Variants in AGBL4 observed in about 807,000 individuals in gnomAD.
AGBL4 encodes AGBL carboxypeptidase 4, also known as cytosolic carboxypeptidase 6.
In AGBL4, 58 loss-of-function variants were observed where a neutral mutation model predicts 66.4. The ratio of observed to expected loss-of-function variants is 0.87; its 90% confidence interval spans 0.71 to 1.09. AGBL4 has a LOEUF of 1.09. Among genes scored for constraint, AGBL4 ranks in the 50% least tolerant of loss-of-function variants. The pLI, the probability that AGBL4 is intolerant of heterozygous loss-of-function variation, is 0.00. For synonymous variants in AGBL4, 234 were observed against 222.9 expected (o/e 1.05, Z -0.44); for missense variants, 579 against 631.0 (o/e 0.92, Z 0.88).
chr1:49,795,371 AC>A (rs1644703982), intron 2 of AGBL4, among the ~76,000 whole-genome samples: 1 of 152,042 alleles, frequency 6.6e-6, no homozygotes, highest in African/African-American at 2.4e-5. Flanking sequence ...CCCATCAGGA[AC>A]TAAGTAAAGG....
chr1:48,608,168 C>T (rs1266729401), intron 9 of AGBL4, among the ~76,000 whole-genome samples: 2 of 152,126 alleles, frequency 1.3e-5, no homozygotes, highest in Non-Finnish European at 2.9e-5. Flanking sequence ...AGTCACAGAG[C>T]CTATAGAATT....
chr1:49,933,690 T>A (rs1055507813), intron 1 of AGBL4, among the ~76,000 whole-genome samples: 1 of 152,088 alleles, frequency 6.6e-6, no homozygotes, highest in Non-Finnish European at 1.5e-5. Context: ...GCAGTTGAAG[T>A]TAAGTTGTTA....
chr1:48,526,590 C>T, the AGBL4 span, among the ~76,000 whole-genome samples: 3,356 of 152,134 alleles, frequency 0.022, 131 homozygotes, highest in African/African-American at 0.077. Flanking sequence ...GTAGCAGCAG[C>T]GGTAGTAGCA....
chr1:49,100,543 T>C (rs1645182368), intron 4 of AGBL4, among the ~76,000 whole-genome samples: 3 of 152,146 alleles, frequency 2.0e-5, no homozygotes, highest in Admixed American at 2.0e-4. Flanking sequence ...GAAGTTCTGG[T>C]AAGACTGGAT....
chr1:49,277,575 G>C (rs1371990063), intron 3 of AGBL4, among the ~76,000 whole-genome samples: 1 of 151,594 alleles, frequency 6.6e-6, no homozygotes, highest in East Asian at 1.9e-4. Context: ...ATACTTTACT[G>C]GTTGGAAAGC....
chr1:48,776,679 G>C (rs1448956170), intron 6 of AGBL4: 8 of 1,507,810 alleles, frequency 5.3e-6, no homozygotes, highest in Non-Finnish European at 6.2e-6. Flanking sequence ...GGGGGCTCTC[G>C]GGCCCGGCGC....
At chr1:49,514,416 G>A (rs944109468) in intron 3 of AGBL4, among the ~76,000 whole-genome samples, 1 of 152,008 alleles carries the variant, frequency 6.6e-6, no homozygotes, top group Non-Finnish European at 1.5e-5. Flanking sequence ...AACATTCCAT[G>A]CTCATGGGTA....
chr1:48,630,783 C>G (rs1645580845), intron 9 of AGBL4, among the ~76,000 whole-genome samples: 2 of 152,310 alleles, frequency 1.3e-5, no homozygotes, highest in African/African-American at 2.4e-5. Flanking sequence ...TCATAACAAC[C>G]TCTTCTGTCT....
At chr1:49,160,862 G>A (rs1010119024) in intron 4 of AGBL4, among the ~76,000 whole-genome samples, 18 of 152,100 alleles carry the variant, frequency 1.2e-4, no homozygotes, top group Non-Finnish European at 2.2e-4. Flanking sequence ...AGGGTAAAAC[G>A]GCTTACTCAA....
chr1:49,746,025 C>T (rs1650959613), intron 2 of AGBL4, among the ~76,000 whole-genome samples: 1 of 151,862 alleles, frequency 6.6e-6, no homozygotes, highest in Non-Finnish European at 1.5e-5. Flanking sequence ...AATAATACAC[C>T]TCAGACATAG....
intron 4 of AGBL4, among the ~76,000 whole-genome samples, chr1:49,210,448 G>C (rs1422161097): frequency 6.6e-6 from 1 of 151,964 alleles, no homozygotes; most frequent in Non-Finnish European, 1.5e-5. Context: ...ATTCTGAAGA[G>C]GTTTCTATCT....
At chr1:49,262,768 C>G (rs1197604280) in intron 3 of AGBL4, among the ~76,000 whole-genome samples, 1 of 152,128 alleles carries the variant, frequency 6.6e-6, no homozygotes, top group South Asian at 2.1e-4. Context: ...GGATCTAGAA[C>G]TAGAAATACC....
At chr1:49,432,766 T>G (rs1645814923) in intron 3 of AGBL4, among the ~76,000 whole-genome samples, 1 of 152,200 alleles carries the variant, frequency 6.6e-6, no homozygotes, top group African/African-American at 2.4e-5. Context: ...ATACAGCTAC[T>G]AAAATCCTTG....
chr1:49,940,684 C>T (rs1654659185), intron 1 of AGBL4, among the ~76,000 whole-genome samples: 1 of 151,796 alleles, frequency 6.6e-6, no homozygotes, highest in Non-Finnish European at 1.5e-5. Context: ...GGGAACATCA[C>T]ACTCTGGGGA....
chr1:49,861,423 T>C (rs1246324589), intron 1 of AGBL4, among the ~76,000 whole-genome samples: 1 of 151,902 alleles, frequency 6.6e-6, no homozygotes, highest in Non-Finnish European at 1.5e-5. Context: ...TTGTCGTACA[T>C]CTTGGACACC....
intron 3 of AGBL4, among the ~76,000 whole-genome samples, chr1:49,696,921 T>C (rs1272781063): frequency 6.6e-6 from 1 of 152,186 alleles, no homozygotes; most frequent in Non-Finnish European, 1.5e-5. Context: ...AGCTTCTCTT[T>C]TGAAACTGAG....
chr1:49,514,297 C>T (rs555849645), intron 3 of AGBL4, among the ~76,000 whole-genome samples: 66 of 151,894 alleles, frequency 4.3e-4, no homozygotes, highest in Non-Finnish European at 5.6e-4. Flanking sequence ...TATCTTGTGC[C>T]AGTTTTCAAA....
chr1:48,626,080 C>T (rs762886212), intron 9 of AGBL4, among the ~76,000 whole-genome samples: 1 of 152,164 alleles, frequency 6.6e-6, no homozygotes, highest in South Asian at 2.1e-4. Flanking sequence ...CCATATTGAA[C>T]CTTTCACCCC....
chr1:49,009,092 G>C (rs1662136509), intron 5 of AGBL4, among the ~76,000 whole-genome samples: 1 of 151,508 alleles, frequency 6.6e-6, no homozygotes, highest in Admixed American at 6.6e-5. Context: ...TCCAGGAGCT[G>C]GTTTTTTGAA....
Sources: gnomAD v4.1 joint callset for allele counts (sites outside exome capture counted in the v4.1 genomes callset) on GRCh38, gnomAD v4.1.1 for gene constraint, MANE v1.5 for transcripts, NCBI Gene and HGNC (gene_info 2026-07-23, HGNC 2026-07-21) for gene names.